TJP1: variants seen among roughly 807,000 people sequenced by gnomAD.
TJP1 encodes the protein tight junction protein ZO-1.
A neutral mutation model predicts 194.2 loss-of-function variants in TJP1; 43 were observed. That is an observed-to-expected ratio of 0.22 (90% confidence interval 0.17 to 0.29). TJP1 has a LOEUF of 0.29. Among genes scored for constraint, TJP1 ranks in the 10% least tolerant of loss-of-function variants. The pLI, the probability that TJP1 is intolerant of heterozygous loss-of-function variation, is 1.00. For missense variants in TJP1, 1,971 were observed against 2,185.7 expected, an observed-to-expected ratio of 0.90 and a Z score of 1.96; for synonymous variants, 801 against 779.0, an observed-to-expected ratio of 1.03 and a Z score of -0.47.
At chr15:29,735,181 T>C (rs1214562130) in intron 11 of TJP1, among the ~76,000 whole-genome samples, 3 of 151,844 alleles carry the variant, frequency 2.0e-5, no homozygotes, top group Non-Finnish European at 4.4e-5. Flanking sequence ...GGTTTTCTTC[T>C]TTCCACCTTT....
At chr15:29,867,403 G>C (rs2052345309) in intron 2 of TJP1, among the ~76,000 whole-genome samples, 1 of 152,178 alleles carries the variant, frequency 6.6e-6, no homozygotes, top group African/African-American at 2.4e-5. Context: ...GCCCTCCCTG[G>C]AAGAAGGTAA....
At chr15:29,707,452 CT>C (rs1306803520) in intron 25 of TJP1, among the ~76,000 whole-genome samples, 2 of 152,320 alleles carry the variant, frequency 1.3e-5, no homozygotes, top group South Asian at 2.1e-4. Flanking sequence ...CTGTCCGCCC[CT>C]GACCATCTGT....
At position 29,916,718 on chromosome 15, in the gene TJP1, T is replaced by C. The variant is rs372128138; in HGVS notation, c.306+39514A>G. ...GCAATTCAAAGATGGGATTCTTTCT[T>C]ATGGATCCCACATTTATAGAGCAAA... On this transcript the variant is annotated intron_variant, in intron 2 of 28. Coordinates refer to the TJP1 transcript ENST00000356107. Among the ~76,000 whole-genome samples the C allele has an allele frequency of 2.7e-3, 418 of 152,330 alleles. 2 individuals are homozygous for C. Among genetic ancestry groups the C allele is most frequent in the African/African-American group, 9.5e-3 (396 of 41,570 alleles).
chr15:29,879,130 A>G (rs1479257041), intron 2 of TJP1, among the ~76,000 whole-genome samples: 3 of 152,140 alleles, frequency 2.0e-5, no homozygotes, highest in Non-Finnish European at 4.4e-5. Context: ...TCTCAAAAAA[A>G]TAATAATAAA....
chr15:29,751,487 C>A (rs779323723), intron 8 of TJP1, among the ~76,000 whole-genome samples: 1 of 152,148 alleles, frequency 6.6e-6, no homozygotes, highest in Non-Finnish European at 1.5e-5. Context: ...CTAGTCCATC[C>A]GCATTAGAAG....
chr15:29,959,583 C>T (rs1243053422), intron 1 of TJP1, among the ~76,000 whole-genome samples: 4 of 152,170 alleles, frequency 2.6e-5, no homozygotes, highest in Non-Finnish European at 5.9e-5. Flanking sequence ...GGCAGCTTCT[C>T]TTGCAAGTCA....
chr15:29,730,910 G>A (rs2043599423), intron 15 of TJP1: 2 of 1,225,732 alleles, frequency 1.6e-6, no homozygotes, highest in Middle Eastern at 2.2e-4. Flanking sequence ...GCAAGGAGGG[G>A]AATAACCCTG....
At chr15:29,898,319 G>C (rs753944854) in intron 2 of TJP1, among the ~76,000 whole-genome samples, 16 of 152,150 alleles carry the variant, frequency 1.1e-4, no homozygotes, top group Non-Finnish European at 1.6e-4. Flanking sequence ...TTTCCATCAT[G>C]ATTGTGAGGC....
chr15:29,828,960 C>G (rs2050754610), intron 2 of TJP1, among the ~76,000 whole-genome samples: 1 of 152,076 alleles, frequency 6.6e-6, no homozygotes, highest in African/African-American at 2.4e-5. Context: ...ACCATGTTGG[C>G]CAGGCTGGTC....
chr15:29,853,361 T>A (rs985750043), intron 2 of TJP1, among the ~76,000 whole-genome samples: 9 of 152,314 alleles, frequency 5.9e-5, no homozygotes, highest in Admixed American at 5.2e-4. Flanking sequence ...CGTGAACCAA[T>A]GCAGGTGATA....
At chr15:29,709,082 AT>A (rs2042084194) in intron 24 of TJP1, 46 bp from the exon 25 acceptor site, 2 of 1,543,936 alleles carry the variant, frequency 1.3e-6, no homozygotes, top group Non-Finnish European at 1.8e-6. Flanking sequence ...GAAAAAAGTT[AT>A]AATAGCCCTG....
At chr15:29,957,302 AAAGT>A (rs1320548514) in intron 1 of TJP1, among the ~76,000 whole-genome samples, 1 of 152,240 alleles carries the variant, frequency 6.6e-6, no homozygotes, top group Non-Finnish European at 1.5e-5. Flanking sequence ...GTTTAGAATA[AAAGT>A]AATACATCCA....
chr15:29,949,608 C>T, intron 2 of TJP1, among the ~76,000 whole-genome samples: 1 of 82,648 alleles, frequency 1.2e-5, no homozygotes, highest in South Asian at 5.1e-4. Flanking sequence ...ACCACCTCCA[C>T]CTTCACCACC....
Position 29,752,101 on chromosome 15 carries a change from CT to C in TJP1, c.1010+9037del, listed in dbSNP as rs199750785. On this transcript the variant is annotated intron_variant, in intron 8 of 27. Transcript: ENST00000614355. Reference sequence around the variant, plus strand: ...GCACCACCACGCCCGGCTAAATACACTTTTTTTTTTTTTTCCCCCCAGACGG... The same window carrying C: ...GCACCACCACGCCCGGCTAAATACACTTTTTTTTTTTTTCCCCCCAGACGG... Among the ~76,000 whole-genome samples the C allele has an allele frequency of 2.1e-3, 308 of 143,734 alleles. 2 individuals carry two copies. Among genetic ancestry groups the C allele is most frequent in the African/African-American group, 6.0e-3 (230 of 38,498 alleles). 94.3% of individuals were successfully genotyped at this position (143,734 alleles called of 152,430 possible).
chr15:29,748,867 C>T (rs1382946191), intron 8 of TJP1, among the ~76,000 whole-genome samples: 1 of 151,930 alleles, frequency 6.6e-6, no homozygotes, highest in Non-Finnish European at 1.5e-5. Context: ...GCCACCATGC[C>T]CAGCCCTTCC....
chr15:29,956,247 A>C, exon 2 of TJP1: 1 of 1,287,494 alleles, frequency 7.8e-7, no homozygotes, highest in Non-Finnish European at 1.0e-6. Flanking sequence ...GCTCACAGAA[A>C]TCCATGCTAT....
At chr15:29,797,275 G>A (rs1028840885) in intron 2 of TJP1, among the ~76,000 whole-genome samples, 4 of 152,054 alleles carry the variant, frequency 2.6e-5, no homozygotes, top group East Asian at 1.9e-4. Flanking sequence ...TCAGCCTCCC[G>A]AGTAGCTGGG....
At chr15:29,721,689 C>T (rs1470532167) in intron 18 of TJP1, among the ~76,000 whole-genome samples, 1 of 152,100 alleles carries the variant, frequency 6.6e-6, no homozygotes, top group Non-Finnish European at 1.5e-5. Flanking sequence ...CAAGAGAAGA[C>T]AGAAAAATGA....
intron 1 of TJP1, among the ~76,000 whole-genome samples, chr15:29,815,836 G>A (rs2049873676): frequency 6.6e-6 from 1 of 152,190 alleles, no homozygotes; most frequent in Non-Finnish European, 1.5e-5. Context: ...ACAGAAAAGA[G>A]ATTAAAGAGC....
Sources: gnomAD v4.1 joint callset for allele counts (sites outside exome capture counted in the v4.1 genomes callset) on GRCh38, gnomAD v4.1.1 for gene constraint, MANE v1.5 for transcripts, NCBI Gene and HGNC (gene_info 2026-07-23, HGNC 2026-07-21) for gene names.